BABAM2: variants seen among roughly 807,000 people sequenced by gnomAD.
BABAM2 encodes the protein BRISC and BRCA1 A complex member 2.
A neutral mutation model predicts 54.7 loss-of-function variants in BABAM2; 31 were observed. That is an observed-to-expected ratio of 0.57 (90% confidence interval 0.43 to 0.77). The LOEUF is 0.77. BABAM2 is among the 30% of genes least tolerant of loss of function. The pLI is 0.00. For synonymous variants in BABAM2, 167 were observed against 162.9 expected, an observed-to-expected ratio of 1.03 and a Z score of -0.19; for missense variants, 364 against 455.8, an observed-to-expected ratio of 0.80 and a Z score of 1.83.
intron 10 of BABAM2, among the ~76,000 whole-genome samples, chr2:28,296,923 G>T (rs2148237914): frequency 6.6e-6 from 1 of 152,166 alleles, no homozygotes; most frequent in South Asian, 2.1e-4. Flanking sequence ...CCTGACCTCA[G>T]GTAATCCACC....
chr2:28,103,036 C>T (rs1667214638), intron 6 of BABAM2, among the ~76,000 whole-genome samples: 1 of 151,590 alleles, frequency 6.6e-6, no homozygotes, highest in South Asian at 2.1e-4. Flanking sequence ...TTTCCTTTAT[C>T]CTTTTCATAA....
chr2:28,332,980 A>G (rs1044899413), intron 11 of BABAM2, among the ~76,000 whole-genome samples: 21 of 152,170 alleles, frequency 1.4e-4, no homozygotes, highest in African/African-American at 5.1e-4. Context: ...GAGCCTCGGG[A>G]AAGGCTGAAC....
At chr2:27,994,080 G>T (rs746553552) in intron 4 of BABAM2, among the ~76,000 whole-genome samples, 2 of 152,042 alleles carry the variant, frequency 1.3e-5, no homozygotes, top group Admixed American at 6.5e-5. Context: ...TCTCCATTTG[G>T]TGCCTCATTT....
chr2:28,254,905 T>A (rs1466717222), intron 10 of BABAM2, among the ~76,000 whole-genome samples: 4 of 151,694 alleles, frequency 2.6e-5, no homozygotes, highest in African/African-American at 4.8e-5. Flanking sequence ...GCTAATTTTT[T>A]AAAAATTTTT....
intron 6 of BABAM2, among the ~76,000 whole-genome samples, chr2:28,086,211 A>C (rs1276916252): frequency 1.3e-5 from 2 of 152,230 alleles, no homozygotes; most frequent in Non-Finnish European, 2.9e-5. Flanking sequence ...TTAAAATCTC[A>C]TAGCCAAGAA....
At chr2:27,938,175 A>G (rs1345791252) in intron 3 of BABAM2, among the ~76,000 whole-genome samples, 1 of 152,198 alleles carries the variant, frequency 6.6e-6, no homozygotes, top group East Asian at 1.9e-4. Context: ...TCTATTGTAT[A>G]CAAGATCAGT....
intron 6 of BABAM2, among the ~76,000 whole-genome samples, chr2:28,097,855 C>G (rs149997114): frequency 3.3e-5 from 5 of 152,366 alleles, no homozygotes; most frequent in African/African-American, 4.8e-5. Flanking sequence ...CAGTTGCTCA[C>G]TAGCACTTTC....
chr2:28,179,819 T>C (rs769715358), intron 7 of BABAM2, among the ~76,000 whole-genome samples: 1 of 152,180 alleles, frequency 6.6e-6, no homozygotes, highest in Admixed American at 6.5e-5. Context: ...ATAGTGTTTC[T>C]ATACACCAAT....
chr2:28,257,051 A>G (rs1684040221), intron 10 of BABAM2, among the ~76,000 whole-genome samples: 1 of 152,150 alleles, frequency 6.6e-6, no homozygotes, highest in Non-Finnish European at 1.5e-5. Flanking sequence ...TTGGCATCTC[A>G]GTACTGGCCT....
At chr2:28,140,481 A>G (rs567917510) in intron 7 of BABAM2, among the ~76,000 whole-genome samples, 1 of 152,212 alleles carries the variant, frequency 6.6e-6, no homozygotes, top group South Asian at 2.1e-4. Context: ...ACAACTCTAC[A>G]TATTTGTCAA....
intron 11 of BABAM2, among the ~76,000 whole-genome samples, chr2:28,328,483 T>C (rs1690674676): frequency 6.6e-6 from 1 of 152,184 alleles, no homozygotes; most frequent in African/African-American, 2.4e-5. Context: ...CCACTTCTCC[T>C]ACCACACCCC....
chr2:27,958,117 G>T (rs1023855623), intron 3 of BABAM2, among the ~76,000 whole-genome samples: 3 of 152,170 alleles, frequency 2.0e-5, no homozygotes, highest in African/African-American at 7.2e-5. Context: ...GCTGTGAGGA[G>T]CAGAAGAATC....
At chr2:28,198,520 G>C (rs1025004427) in intron 7 of BABAM2, among the ~76,000 whole-genome samples, 2 of 152,090 alleles carry the variant, frequency 1.3e-5, no homozygotes, top group African/African-American at 4.8e-5. Context: ...AGAACGGCCT[G>C]AAAACCATCA....
intron 10 of BABAM2, among the ~76,000 whole-genome samples, chr2:28,264,208 A>T (rs1684782732): frequency 6.6e-6 from 1 of 152,134 alleles, no homozygotes; most frequent in Non-Finnish European, 1.5e-5. Context: ...TGCCTTTTTT[A>T]TACTCCCAGG....
At chr2:28,106,846 A>C (rs193060930) in intron 6 of BABAM2, among the ~76,000 whole-genome samples, 19 of 152,316 alleles carry the variant, frequency 1.2e-4, no homozygotes, top group African/African-American at 4.6e-4. Flanking sequence ...TAGTTCATTT[A>C]ATGGATTATA....
intron 6 of BABAM2, among the ~76,000 whole-genome samples, chr2:28,067,089 G>T (rs532262594): frequency 6.0e-4 from 92 of 152,072 alleles, no homozygotes; most frequent in Admixed American, 1.8e-3. Flanking sequence ...GTGCCACCAC[G>T]CCCGGCTAAT....
intron 2 of BABAM2, among the ~76,000 whole-genome samples, chr2:27,895,938 T>A (rs1344269658): frequency 2.0e-5 from 3 of 152,234 alleles, no homozygotes; most frequent in Admixed American, 6.5e-5. Flanking sequence ...TATTATCATT[T>A]ATTTTGTTGG....
At chr2:28,040,503 T>TTTTAGCCGG in intron 5 of BABAM2, among the ~76,000 whole-genome samples, 2 of 151,446 alleles carry the variant, frequency 1.3e-5, no homozygotes, top group South Asian at 4.2e-4. Context: ...GGTTTCACCG[T>TTTTAGCCGG]TTTAGCCGGG....
chr2:28,089,331 A>C (rs6547826), intron 6 of BABAM2, among the ~76,000 whole-genome samples: 1 of 152,146 alleles, frequency 6.6e-6, no homozygotes, highest in East Asian at 1.9e-4. Flanking sequence ...AAATCACTGT[A>C]GACTAGCTTC....
Sources: allele counts gnomAD v4.1 joint callset (sites outside exome capture counted in the v4.1 genomes callset), GRCh38; gene constraint gnomAD v4.1.1; transcripts MANE v1.5; gene names NCBI Gene and HGNC (gene_info 2026-07-23, HGNC 2026-07-21).